Variants in FANCA observed in about 807,000 individuals in gnomAD.
The protein encoded by FANCA is FA complementation group A, also known as Fanconi anemia group A protein.
Under a neutral mutation model 194.3 loss-of-function variants are expected in FANCA, and 236 were observed. The observed-to-expected ratio is 1.21, with a 90% CI of 1.09 to 1.35. The LOEUF is 1.35. Among genes scored for constraint, FANCA ranks in the 40% most tolerant of loss-of-function variants. FANCA has a pLI of 0.00. For missense variants in FANCA, 2,628 were observed against 1,813.9 expected, an observed-to-expected ratio of 1.45 and a Z score of -8.15; for synonymous variants, 1,014 against 715.8, an observed-to-expected ratio of 1.42 and a Z score of -6.65.
At chr16:89,773,449 A>C (rs2039393783) in intron 21 of FANCA, 65 bp from the exon 22 acceptor site, 2 of 1,145,754 alleles carry the variant, frequency 1.7e-6, no homozygotes, top group Admixed American at 2.0e-5. Flanking sequence ...GCAAAAATAG[A>C]AACTTCACAC....
chr16:89,816,057 G>T (rs951425403), intron 1 of FANCA, 71 bp from the exon 2 acceptor site: 1 of 1,192,176 alleles, frequency 8.4e-7, no homozygotes, highest in Non-Finnish European at 1.2e-6. Flanking sequence ...CGACGCGCAG[G>T]TGGACGCCGC....
intron 2 of FANCA, 39 bp downstream of exon 2, chr16:89,815,838 C>G (rs765212076): frequency 7.9e-6 from 12 of 1,511,878 alleles, no homozygotes; most frequent in Non-Finnish European, 1.0e-5. Flanking sequence ...AAACCCCGAA[C>G]CTAAATCTGC....
rs777400054 is a variant in FANCA at position 89,749,905 on chromosome 16, G to A, written c.3067-3C>T. The A allele has an allele frequency of 7.4e-6, 12 of 1,613,864 alleles. No homozygotes were observed. The highest frequency in any genetic ancestry group is 1.7e-5 in the Admixed American group (1 of 59,994). Reference sequence around the variant, plus strand: ...AGCTCCAGGTCAGCTACCATCTCCTGAAAAAGAGCAGTATGCTGGCACAGG... The same window carrying A: ...AGCTCCAGGTCAGCTACCATCTCCTAAAAAAGAGCAGTATGCTGGCACAGG... On this transcript the variant is annotated splice_polypyrimidine_tract_variant and splice_region_variant and intron_variant, in intron 31 of 42. Transcript: ENST00000389301.
At chr16:89,761,541 AGGT>A (rs2038954466) in intron 29 of FANCA, among the ~76,000 whole-genome samples, 2 of 152,174 alleles carry the variant, frequency 1.3e-5, no homozygotes, top group Non-Finnish European at 2.9e-5. Context: ...AAAGATTAAC[AGGT>A]AAACCAAACA....
intron 8 of FANCA, among the ~76,000 whole-genome samples, chr16:89,802,148 A>G (rs1476896005): frequency 6.6e-6 from 1 of 152,140 alleles, no homozygotes; most frequent in Admixed American, 6.5e-5. Context: ...TCTGTCACCC[A>G]GGCTAGAGTG....
chr16:89,737,720 G>A lies in FANCA; in HGVS notation c.*881C>T. The A allele has an allele frequency of 6.3e-7, 1 of 1,599,312 alleles. No individual in the cohort carries two copies. The highest frequency in any genetic ancestry group is 8.5e-7 in the Non-Finnish European group (1 of 1,170,182). ...AACCATGTGCAGAAATGTCTTCCCAGCTGTGATGGTTTCACATTGTCATCG... is the reference window on the plus strand; with the variant it reads ...AACCATGTGCAGAAATGTCTTCCCAACTGTGATGGTTTCACATTGTCATCG... On this transcript the variant is annotated 3_prime_UTR_variant, in exon 43 of 43. Transcript: ENST00000389301.
At position 89,792,085 on chromosome 16, in the gene FANCA, C is replaced by G. The variant is rs374672435; in HGVS notation, c.1084-17G>C. 1 of 1,614,098 alleles carries G rather than the reference C, an allele frequency of 6.2e-7. No homozygotes were observed. On this transcript the variant is annotated splice_polypyrimidine_tract_variant and intron_variant, in intron 12 of 42. Transcript: ENST00000389301. ...CACAAAGAGCTGAAATAAAAGCATCCGCTCCCTTCAATATCCAAGCAAACC... is the reference window on the plus strand; with the variant it reads ...CACAAAGAGCTGAAATAAAAGCATCGGCTCCCTTCAATATCCAAGCAAACC...
chr16:89,756,316 T>C (rs1436847683), intron 30 of FANCA, among the ~76,000 whole-genome samples: 3 of 152,176 alleles, frequency 2.0e-5, no homozygotes, highest in Non-Finnish European at 4.4e-5. Flanking sequence ...CAAATAGCAC[T>C]TAATACCCAC....
intron 3 of FANCA, among the ~76,000 whole-genome samples, chr16:89,812,774 C>A (rs1425918111): frequency 4.0e-5 from 6 of 151,800 alleles, no homozygotes; most frequent in African/African-American, 1.5e-4. Flanking sequence ...GTGGCTCATG[C>A]CTGTAATCCC....
rs1555566973 is a variant in FANCA at position 89,799,626 on chromosome 16, C to A, written c.805G>T (p.Val269Leu). Residue 269 changes from valine to leucine, a missense_variant, in exon 9 of 43, where the codon GTA (valine) becomes TTA (leucine). Coordinates refer to ENST00000389301, the MANE Select transcript of FANCA (RefSeq NM_000135.4). ...TTACAAATCAGCATTCTCTGCAGTA[C>A]ATCAACCGTGACCTGTCAAAATAGA... ...PEKMPQVTVDVLQRMLIFALD... is the reference protein window; with the variant it reads ...PEKMPQVTVDLLQRMLIFALD... 6.2e-7 allele frequency: 1 copy of A among 1,613,570 alleles called. No individual in the cohort carries two copies. The highest frequency in any genetic ancestry group is 8.5e-7 in the Non-Finnish European group (1 of 1,179,464).
chr16:89,790,177 G>A (rs941958614), intron 14 of FANCA, among the ~76,000 whole-genome samples: 5 of 152,070 alleles, frequency 3.3e-5, no homozygotes, highest in South Asian at 2.1e-4. Context: ...CGAGGGAGGC[G>A]GACCACTTAA....
chr16:89,778,452 C>A (rs1176397491), intron 20 of FANCA: 1 of 293,446 alleles, frequency 3.4e-6, no homozygotes, highest in Admixed American at 5.8e-5. Context: ...GGCAACAGAG[C>A]GAGACTCCAT....
At position 89,745,006 on chromosome 16, in the gene FANCA, C is replaced by T. The variant is rs2062210581; in HGVS notation, c.3579G>A (p.Leu1193=). Residue 1193 remains leucine (L), a synonymous_variant, in exon 36 of 43, where the codon CTG becomes CTA. Transcript: ENST00000389301. ...CRWRRHCQSP[L]PRELQKLQEG... ...CTTGTAGCTTCTGCAGTTCCCGGGG[C>T]AGCGGGCTCTGGCAGTGTCTCCTCC... 1 of 1,611,236 alleles carries T rather than the reference C, an allele frequency of 6.2e-7. No homozygotes were observed. Among genetic ancestry groups the T allele is most frequent in the Admixed American group, 1.7e-5 (1 of 60,006 alleles).
At chr16:89,792,346 C>G in intron 12 of FANCA, 125 bp downstream of exon 12, 1 of 1,083,854 alleles carries the variant, frequency 9.2e-7, no homozygotes, top group Non-Finnish European at 1.4e-6. Context: ...AGGACAGCCA[C>G]ATCTCACCAG....
Position 89,749,796 on chromosome 16 carries a change from G to A in FANCA, c.3173C>T (p.Ala1058Val), listed in dbSNP as rs370873098. The change falls in exon 32 of 43, where the codon GCT becomes GTT. Residue 1058 changes from alanine to valine, a missense_variant. Transcript: ENST00000389301. ...AGCCACGCTCCACCCGCTTGTCAGA[G>A]CCTGGAGCCGTCTGCGGAAAATCTC... is the stretch of plus-strand genomic sequence containing the variant. ...LFEIFRRRLQ[A>V]LTSGWSVAAS... The A allele has an allele frequency of 1.9e-6, 3 of 1,614,132 alleles. No homozygotes were observed. The highest frequency in any genetic ancestry group is 1.1e-5 in the South Asian group (1 of 91,096).
intron 23 of FANCA, among the ~76,000 whole-genome samples, chr16:89,771,283 A>C (rs1215879635): frequency 1.3e-5 from 2 of 151,894 alleles, no homozygotes; most frequent in Non-Finnish European, 2.9e-5. Flanking sequence ...ACACAGAGAA[A>C]CCCCAACTGT....
At chr16:89,791,023 GTTT>G (rs11355118) in intron 14 of FANCA, 544 of 94,108 alleles carry the variant, frequency 5.8e-3, no homozygotes, top group East Asian at 0.015. Flanking sequence ...GTGTGTGTGT[GTTT>G]TTTTTTTTTT....
chr16:89,788,431 A>C (rs573101777), intron 14 of FANCA, among the ~76,000 whole-genome samples: 4 of 152,200 alleles, frequency 2.6e-5, no homozygotes, highest in Non-Finnish European at 4.4e-5. Context: ...CGGGGACTCC[A>C]TCTCAAAAAC....
At position 89,737,752 on chromosome 16, in the gene FANCA, C is replaced by A. The variant is rs1476514584; in HGVS notation, c.*849G>T. On this transcript the variant is annotated 3_prime_UTR_variant, in exon 43 of 43. Transcript: ENST00000389301. Reference sequence around the variant, plus strand: ...TGGTTTCACATTGTCATCGTCGTCCCCCCGGGAGGTTGGAGCATCAGGGGC... The same window carrying A: ...TGGTTTCACATTGTCATCGTCGTCCACCCGGGAGGTTGGAGCATCAGGGGC... The A allele has an allele frequency of 1.2e-6, 2 of 1,610,320 alleles. No homozygotes were observed. The highest frequency in any genetic ancestry group is 8.5e-7 in the Non-Finnish European group (1 of 1,177,100).
Sources: allele counts gnomAD v4.1 joint callset (sites outside exome capture counted in the v4.1 genomes callset), GRCh38; gene constraint gnomAD v4.1.1; transcripts MANE v1.5; gene names NCBI Gene and HGNC (gene_info 2026-07-23, HGNC 2026-07-21).